Variants in DISC1 observed in about 807,000 individuals in gnomAD.
The protein encoded by DISC1 is DISC1 scaffold protein, also known as disrupted in schizophrenia 1 protein.
Under a neutral mutation model 84.5 loss-of-function variants are expected in DISC1, and 57 were observed. The observed-to-expected ratio is 0.67, with a 90% confidence interval of 0.55 to 0.84. DISC1 has a LOEUF of 0.84. DISC1 is among the 40% of genes least tolerant of loss of function. The pLI, the probability that DISC1 is intolerant of heterozygous loss-of-function variation, is 0.00. For missense variants in DISC1, 1,000 were observed against 1,057.8 expected (o/e 0.95, Z 0.76); for synonymous variants, 411 against 415.2 (o/e 0.99, Z 0.12).
At chr1:231,759,679 C>T (rs2075478762) in intron 4 of DISC1, among the ~76,000 whole-genome samples, 1 of 152,132 alleles carries the variant, frequency 6.6e-6, no homozygotes, top group South Asian at 2.1e-4. Context: ...GCACTCCAGC[C>T]TGGCTGACAG....
chr1:231,987,861 G>A (rs543635662), intron 10 of DISC1, among the ~76,000 whole-genome samples: 1 of 152,262 alleles, frequency 6.6e-6, no homozygotes, highest in South Asian at 2.1e-4. Flanking sequence ...CATGTGACTT[G>A]GCAATCCAGA....
chr1:231,880,154 T>G (rs2125981206), intron 9 of DISC1, among the ~76,000 whole-genome samples: 1 of 152,240 alleles, frequency 6.6e-6, no homozygotes, highest in South Asian at 2.1e-4. Context: ...ACTGGTGGTT[T>G]TATAATAGGA....
intron 6 of DISC1, among the ~76,000 whole-genome samples, chr1:231,791,356 C>G (rs2078337473): frequency 6.6e-6 from 1 of 152,128 alleles, no homozygotes; most frequent in Non-Finnish European, 1.5e-5. Context: ...GTTTAATCTC[C>G]CATAATTACC....
chr1:231,651,475 G>A (rs1412443688), intron 1 of DISC1, among the ~76,000 whole-genome samples: 6 of 152,128 alleles, frequency 3.9e-5, no homozygotes, highest in Admixed American at 3.9e-4. Flanking sequence ...CCAGAGAGGT[G>A]CCCGCCTGTA....
At chr1:232,014,940 G>A (rs1363661599) in intron 11 of DISC1, among the ~76,000 whole-genome samples, 1 of 152,162 alleles carries the variant, frequency 6.6e-6, no homozygotes, top group Non-Finnish European at 1.5e-5. Flanking sequence ...TGTATAATTA[G>A]GATATTTAAA....
intron 1 of DISC1, among the ~76,000 whole-genome samples, chr1:231,685,513 C>G (rs553784266): frequency 2.6e-5 from 4 of 151,916 alleles, no homozygotes; most frequent in Non-Finnish European, 5.9e-5. Context: ...AATGCAATGG[C>G]GTGATCTTGG....
At chr1:232,029,666 GA>G in intron 12 of DISC1, among the ~76,000 whole-genome samples, 1 of 152,352 alleles carries the variant, frequency 6.6e-6, no homozygotes, top group African/African-American at 2.4e-5. Flanking sequence ...GTCCACATTG[GA>G]ATGTGATTAA....
chr1:231,808,630 T>C (rs75998687), intron 8 of DISC1, among the ~76,000 whole-genome samples: 1,694 of 152,346 alleles, frequency 0.011, 35 homozygotes, highest in African/African-American at 0.038. Flanking sequence ...TTTCATAGGA[T>C]GCTGCTTTTA....
chr1:231,820,501 T>TA (rs1316478786), intron 9 of DISC1, among the ~76,000 whole-genome samples: 1 of 152,166 alleles, frequency 6.6e-6, no homozygotes, highest in African/African-American at 2.4e-5. Flanking sequence ...GTAGTATTCT[T>TA]AAAAAAAGAT....
intron 9 of DISC1, among the ~76,000 whole-genome samples, 169 bp from the exon 10 acceptor site, chr1:231,958,659 C>G (rs1659945116): frequency 6.6e-6 from 1 of 152,228 alleles, no homozygotes; most frequent in Non-Finnish European, 1.5e-5. Flanking sequence ...CTCCCCAACT[C>G]ATGACTTCAG....
chr1:231,942,805 G>C (rs1214613258), intron 9 of DISC1, among the ~76,000 whole-genome samples: 1 of 152,270 alleles, frequency 6.6e-6, no homozygotes, highest in Non-Finnish European at 1.5e-5. Context: ...ATAGGTCCTT[G>C]TGCTGAGCAC....
At chr1:232,004,892 C>A (rs1667170404) in intron 10 of DISC1, among the ~76,000 whole-genome samples, 1 of 117,212 alleles carries the variant, frequency 8.5e-6, no homozygotes, top group Non-Finnish European at 1.7e-5. Flanking sequence ...TCCCTTCCTT[C>A]CTTCCTTCCT....
chr1:231,638,282 C>A (rs1048640606), intron 1 of DISC1, among the ~76,000 whole-genome samples: 11 of 152,270 alleles, frequency 7.2e-5, no homozygotes, highest in Admixed American at 6.5e-4. Context: ...CAGGTTGTCT[C>A]TTAAGTCTGT....
At chr1:231,663,896 G>A (rs1480780277) in intron 1 of DISC1, among the ~76,000 whole-genome samples, 1 of 151,866 alleles carries the variant, frequency 6.6e-6, no homozygotes, top group Non-Finnish European at 1.5e-5. Context: ...CCCTAAATTA[G>A]GCCCAAATAC....
intron 9 of DISC1, among the ~76,000 whole-genome samples, chr1:231,893,993 G>A (rs765302479): frequency 2.0e-5 from 3 of 152,180 alleles, no homozygotes; most frequent in Non-Finnish European, 4.4e-5. Flanking sequence ...CCACAAACGT[G>A]TATACCAGCA....
intron 10 of DISC1, among the ~76,000 whole-genome samples, chr1:231,984,777 A>G (rs1405203390): frequency 6.6e-6 from 1 of 152,216 alleles, no homozygotes; most frequent in Non-Finnish European, 1.5e-5. Flanking sequence ...AAGAAAGTAT[A>G]GCATTTGAGT....
intron 9 of DISC1, chr1:231,855,457 GACAAACAC>G (rs2084202449): frequency 1.0e-6 from 1 of 981,068 alleles, no homozygotes; most frequent in South Asian, 4.7e-5. Context: ...TTTCCATTAA[GACAAACAC>G]ACAAATAACA....
chr1:232,032,233 G>A (rs2103061314), intron 12 of DISC1, among the ~76,000 whole-genome samples: 1 of 152,240 alleles, frequency 6.6e-6, no homozygotes, highest in East Asian at 1.9e-4. Context: ...ATCAAACTAG[G>A]TCAGATGAAC....
chr1:232,036,877 C>CG lies in DISC1; in HGVS notation c.*52dup, dbSNP rs1670564237. On this transcript the variant is annotated 3_prime_UTR_variant, in exon 13 of 13. Coordinates refer to ENST00000439617, the MANE Select transcript of DISC1 (RefSeq NM_018662.3). ...GGAGGTGGGCCACCATGTTTGGACCCGGGGGGCTGCTCTTCCCTCCCCCGC... is the reference window on the plus strand; with the variant it reads ...GGAGGTGGGCCACCATGTTTGGACCCGGGGGGGCTGCTCTTCCCTCCCCCGC... The CG allele has an allele frequency of 4.2e-6, 6 of 1,439,982 alleles. No homozygotes were observed. The highest frequency in any genetic ancestry group is 1.4e-5 in the African/African-American group (1 of 71,462). 89.2% of individuals were successfully genotyped at this position (1,439,982 alleles called of 1,614,324 possible). A position where few individuals can be genotyped will look rare whatever the true frequency, so the allele number is the denominator to read the frequency against.
Sources: gnomAD v4.1 joint callset for allele counts (sites outside exome capture counted in the v4.1 genomes callset) on GRCh38, gnomAD v4.1.1 for gene constraint, MANE v1.5 for transcripts, NCBI Gene and HGNC (gene_info 2026-07-23, HGNC 2026-07-21) for gene names.